IQCJ: variants seen among roughly 807,000 people sequenced by gnomAD.
IQCJ encodes IQ motif containing J, also known as IQ domain-containing protein J.
Under a neutral mutation model 11.0 loss-of-function variants are expected in IQCJ, and 9 were observed. That is an observed-to-expected ratio of 0.82 (90% confidence interval 0.49 to 1.43). The LOEUF (loss-of-function observed/expected upper bound fraction) is 1.43, where lower values mean the gene tolerates loss of function less well. Ranked by LOEUF, IQCJ falls within the 40% of genes most tolerant of loss-of-function variation. The pLI is 0.00. For synonymous variants in IQCJ, 55 were observed against 51.3 expected, an observed-to-expected ratio of 1.07 and a Z score of -0.31; for missense variants, 146 against 133.2, an observed-to-expected ratio of 1.10 and a Z score of -0.47.
intron 3 of IQCJ, among the ~76,000 whole-genome samples, chr3:159,254,031 C>A (rs1727755383): frequency 6.6e-6 from 1 of 152,228 alleles, no homozygotes; most frequent in Non-Finnish European, 1.5e-5. Context: ...TTCTGTGTCA[C>A]ACTTACTAAA....
intron 1 of IQCJ, among the ~76,000 whole-genome samples, chr3:159,239,007 C>T (rs1413572369): frequency 6.6e-6 from 1 of 152,084 alleles, no homozygotes; most frequent in African/African-American, 2.4e-5. Flanking sequence ...AAATCAGAGA[C>T]AAATGGGACT....
intron 1 of IQCJ, among the ~76,000 whole-genome samples, chr3:159,138,227 A>G (rs1451992904): frequency 2.0e-5 from 3 of 152,150 alleles, no homozygotes; most frequent in African/African-American, 7.2e-5. Flanking sequence ...ACCAAACACT[A>G]ATAGGAATAT....
At chr3:159,088,360 ATG>A (rs1438825711) in intron 1 of IQCJ, among the ~76,000 whole-genome samples, 1 of 152,026 alleles carries the variant, frequency 6.6e-6, no homozygotes, top group African/African-American at 2.4e-5. Flanking sequence ...ATTTTGGAAT[ATG>A]TGTGGTGTGG....
intron 1 of IQCJ, among the ~76,000 whole-genome samples, chr3:159,134,710 T>A (rs900315420): frequency 5.9e-5 from 9 of 152,178 alleles, no homozygotes; most frequent in African/African-American, 1.4e-4. Context: ...TAGCTGTCCA[T>A]ACAGAAGACC....
chr3:159,257,640 T>C (rs1290395155), intron 3 of IQCJ, among the ~76,000 whole-genome samples: 1 of 152,178 alleles, frequency 6.6e-6, no homozygotes, highest in Non-Finnish European at 1.5e-5. Context: ...AGTGGCCCCG[T>C]ATTGACATTT....
intron 1 of IQCJ, among the ~76,000 whole-genome samples, chr3:159,192,255 A>G (rs1278161243): frequency 6.6e-6 from 1 of 151,932 alleles, no homozygotes; most frequent in African/African-American, 2.4e-5. Context: ...CTTTGGAGAC[A>G]GATCTCTTTT....
chr3:159,144,655 CACACAG>C (rs1234587086), intron 1 of IQCJ, among the ~76,000 whole-genome samples: 2 of 34,760 alleles, frequency 5.8e-5, no homozygotes, highest in South Asian at 1.6e-3. Context: ...CACACATACA[CACACAG>C]ACACACACAC....
At chr3:159,094,248 T>G (rs73027605) in intron 1 of IQCJ, among the ~76,000 whole-genome samples, 1 of 150,520 alleles carries the variant, frequency 6.6e-6, no homozygotes, top group African/African-American at 2.5e-5. Flanking sequence ...AAGGTTCTTA[T>G]GTTTGGTTAA....
At position 159,252,739 on chromosome 3, in the gene IQCJ, C is replaced by A. The variant is rs1256210664; in HGVS notation, c.87C>A (p.Ala29=). Residue 29 remains alanine (A), a synonymous_variant, in exon 3 of 4, where the codon GCC becomes GCA. Transcript: ENST00000397832. ...GKYSFENHQL[A]MDAENNIEKY... is the part of the protein sequence containing the mutation. ...TTTCTGTTTCTAGTCACCAGCTGGCCATGGATGCAGAGAATAATATTGAAA... is the reference window on the plus strand; with the variant it reads ...TTTCTGTTTCTAGTCACCAGCTGGCAATGGATGCAGAGAATAATATTGAAA... 6.2e-7 allele frequency: 1 copy of A among 1,610,776 alleles called. No homozygotes were observed. Among genetic ancestry groups the A allele is most frequent in the Non-Finnish European group, 8.5e-7 (1 of 1,178,364 alleles).
chr3:159,172,783 G>A (rs1217527621), intron 1 of IQCJ, among the ~76,000 whole-genome samples: 1 of 138,754 alleles, frequency 7.2e-6, no homozygotes, highest in Non-Finnish European at 1.6e-5. Flanking sequence ...GGGGGTGGGG[G>A]TGGGGGAGAT....
chr3:159,156,212 G>A (rs1721513102), intron 1 of IQCJ, among the ~76,000 whole-genome samples: 2 of 152,142 alleles, frequency 1.3e-5, no homozygotes, highest in Admixed American at 1.3e-4. Flanking sequence ...AGAAATCTAA[G>A]ACAAAACTAG....
At chr3:159,250,453 G>A (rs550162291) in intron 2 of IQCJ, among the ~76,000 whole-genome samples, 6 of 152,230 alleles carry the variant, frequency 3.9e-5, no homozygotes, top group African/African-American at 7.2e-5. Flanking sequence ...AAGACTTTCT[G>A]TGTTAGTCCT....
Position 159,263,530 on chromosome 3 carries a change from T to A in IQCJ, c.*799T>A. 2.0e-6 allele frequency: 2 copies of A among 985,122 alleles called. No individual in the cohort carries two copies. Among genetic ancestry groups the A allele is most frequent in the Non-Finnish European group, 2.4e-6 (2 of 829,670 alleles). The allele number at this position is 985,122 out of a possible 1,614,324, so 61.0% of individuals were successfully genotyped here. A position where few individuals can be genotyped will look rare whatever the true frequency, so the allele number is the denominator to read the frequency against. On this transcript the variant is annotated 3_prime_UTR_variant, in exon 4 of 4. Coordinates refer to ENST00000397832, the MANE Select transcript of IQCJ (RefSeq NM_001042706.3). ...TTTGTGGATTTAAGCATTGTGATAATTTGTAACCAGTCACTGAAATGCTGA... is the reference window on the plus strand; with the variant it reads ...TTTGTGGATTTAAGCATTGTGATAAATTGTAACCAGTCACTGAAATGCTGA...
At position 159,105,045 on chromosome 3, in the gene IQCJ, C is replaced by T. The variant is rs183739290; in HGVS notation, c.9+35604C>T. 3.2e-3 allele frequency among the ~76,000 whole-genome samples: 487 copies of T among 152,252 alleles called. 2 individuals are homozygous for T. The highest frequency in any genetic ancestry group is 5.6e-3 in the Non-Finnish European group (379 of 67,994). On this transcript the variant is annotated intron_variant, in intron 1 of 3. Transcript: ENST00000397832. ...AAAAATGTTTTGTTGATTGAATAAACAAATGTGTGAATGAAATCAAGACAT... is the reference window on the plus strand; with the variant it reads ...AAAAATGTTTTGTTGATTGAATAAATAAATGTGTGAATGAAATCAAGACAT...
In IQCJ at chr3:159,134,785, T is replaced by C. The variant is rs372295905; in HGVS notation, c.9+65344T>C. Among the ~76,000 whole-genome samples the C allele has an allele frequency of 3.3e-5, 5 of 152,176 alleles. No individual in the cohort carries two copies. The South Asian group carries it at 6.2e-4, about 19-fold the overall frequency. ...CCATTCCCTTGGACCCTATAAGCAA[T>C]TGGAAAACTGCTCTTATATAGAAAT... On this transcript the variant is annotated intron_variant, in intron 1 of 3. Transcript: ENST00000397832.
chr3:159,194,980 A>G (rs1021236429), intron 1 of IQCJ, among the ~76,000 whole-genome samples: 3 of 152,076 alleles, frequency 2.0e-5, no homozygotes, highest in African/African-American at 4.8e-5. Context: ...GTGTGGTGGC[A>G]TGAGCCTGTA....
At chr3:159,222,275 T>G (rs1157482359) in intron 1 of IQCJ, among the ~76,000 whole-genome samples, 1 of 152,112 alleles carries the variant, frequency 6.6e-6, no homozygotes, top group Non-Finnish European at 1.5e-5. Context: ...ATAAAGAAAT[T>G]GTGTGTGTTC....
At chr3:159,161,242 G>C (rs1386328673) in intron 1 of IQCJ, among the ~76,000 whole-genome samples, 5 of 152,262 alleles carry the variant, frequency 3.3e-5, no homozygotes, top group South Asian at 4.1e-4. Context: ...GAGATGGTAT[G>C]TCATTGTGGT....
chr3:159,128,690 A>G (rs926018398), intron 1 of IQCJ, among the ~76,000 whole-genome samples: 5 of 152,136 alleles, frequency 3.3e-5, no homozygotes, highest in Non-Finnish European at 7.4e-5. Flanking sequence ...CTGTGTGGCC[A>G]GATTAGTCTC....
Sources: gnomAD v4.1 joint callset for allele counts (sites outside exome capture counted in the v4.1 genomes callset) on GRCh38, gnomAD v4.1.1 for gene constraint, MANE v1.5 for transcripts, NCBI Gene and HGNC (gene_info 2026-07-23, HGNC 2026-07-21) for gene names.